The following CHD9 variants were observed in gnomAD, a reference collection of about 807,000 sequenced individuals.
CHD9 encodes the protein ATP-dependent chromatin remodeler CHD9.
A neutral mutation model predicts 316.1 loss-of-function variants in CHD9; 77 were observed. The ratio of observed to expected loss-of-function variants is 0.24; its 90% CI spans 0.20 to 0.29. CHD9 has a LOEUF of 0.29. Ranked by LOEUF, CHD9 falls within the 10% of genes least tolerant of loss-of-function variation. The probability of loss-of-function intolerance (pLI) is 1.00; values close to 1 mark genes in which losing one functional copy is unlikely to be tolerated. For synonymous variants in CHD9, 1,129 were observed against 1,158.3 expected, an observed-to-expected ratio of 0.97 and a Z score of 0.51; for missense variants, 2,763 against 3,438.1, an observed-to-expected ratio of 0.80 and a Z score of 4.91.
chr16:53,306,235 A>C lies in CHD9; in HGVS notation c.6620-2A>C, dbSNP rs553853252. 1.0e-5 allele frequency: 15 copies of C among 1,478,614 alleles called. No individual in the cohort carries two copies. In the Middle Eastern group the frequency reaches 7.3e-4, roughly 72 times the overall value. 91.6% of individuals were successfully genotyped at this position (1,478,614 alleles called of 1,614,324 possible). A position where few individuals can be genotyped will look rare whatever the true frequency, so the allele number is the denominator to read the frequency against. ...AAAAATGATTATAATTGTTTTTAGC[A>C]GAAAGTACTACTCACATGAAAGCCT... On this transcript the variant is annotated splice_acceptor_variant, in intron 31 of 38. Coordinates refer to ENST00000447540, the MANE Select transcript of CHD9 (RefSeq NM_001308319.2). LOFTEE classifies it high-confidence loss of function.
chr16:53,213,322 CTT>C (rs1243720630), intron 3 of CHD9, among the ~76,000 whole-genome samples: 2 of 152,024 alleles, frequency 1.3e-5, no homozygotes, highest in African/African-American at 4.8e-5. Flanking sequence ...GCCTGGAAAA[CTT>C]TTATCTGCTT....
chr16:53,190,206 A>G (rs973942510), intron 2 of CHD9, among the ~76,000 whole-genome samples: 1 of 152,150 alleles, frequency 6.6e-6, no homozygotes, highest in African/African-American at 2.4e-5. Context: ...TCCAGATGGT[A>G]GAGGTGGGTG....
chr16:53,056,705 T>A (rs1419476107), intron 1 of CHD9, among the ~76,000 whole-genome samples: 1 of 152,204 alleles, frequency 6.6e-6, no homozygotes, highest in African/African-American at 2.4e-5. Context: ...TTCCACTGAA[T>A]TGACTCATTC....
intron 24 of CHD9, among the ~76,000 whole-genome samples, chr16:53,282,431 C>T (rs1250049438): frequency 3.3e-5 from 5 of 152,052 alleles, no homozygotes; most frequent in Non-Finnish European, 7.4e-5. Flanking sequence ...CATGGCGAAA[C>T]CCTGTCTCTA....
chr16:53,082,937 G>A (rs2035156696), intron 1 of CHD9, among the ~76,000 whole-genome samples: 1 of 152,146 alleles, frequency 6.6e-6, no homozygotes, highest in Admixed American at 6.5e-5. Flanking sequence ...CTGAACTGTG[G>A]TTTCCCATCA....
intron 18 of CHD9, among the ~76,000 whole-genome samples, chr16:53,255,072 A>G (rs2050473089): frequency 6.6e-6 from 1 of 152,042 alleles, no homozygotes; most frequent in African/African-American, 2.4e-5. Context: ...GCACTTTGGG[A>G]CGCTGAGGTA....
intron 37 of CHD9, 119 bp downstream of exon 37, chr16:53,318,459 C>T: frequency 1.3e-6 from 1 of 765,752 alleles, no homozygotes; most frequent in Non-Finnish European, 2.0e-6. Context: ...TTGAATCTAT[C>T]AGATTTCTGA....
At chr16:53,055,409 C>G (rs982686676) in intron 1 of CHD9, among the ~76,000 whole-genome samples, 2 of 152,030 alleles carry the variant, frequency 1.3e-5, no homozygotes, top group Admixed American at 6.6e-5. Context: ...CTGATAAGGT[C>G]CAGAGCACCA....
intron 2 of CHD9, among the ~76,000 whole-genome samples, chr16:53,186,719 G>T (rs2044044114): frequency 6.6e-6 from 1 of 152,146 alleles, no homozygotes; most frequent in Non-Finnish European, 1.5e-5. Flanking sequence ...CATGGGGGTG[G>T]TTTTCCCCAT....
chr16:53,107,736 G>A (rs1325083070), intron 1 of CHD9, among the ~76,000 whole-genome samples: 1 of 151,994 alleles, frequency 6.6e-6, no homozygotes, highest in African/African-American at 2.4e-5. Context: ...ACCTGAGCAT[G>A]GGCATGACAA....
chr16:53,202,148 C>T (rs2045512439), intron 2 of CHD9, among the ~76,000 whole-genome samples: 1 of 152,148 alleles, frequency 6.6e-6, no homozygotes, highest in Non-Finnish European at 1.5e-5. Flanking sequence ...AGGCATGAGC[C>T]ACCATGCCTG....
At chr16:53,136,670 G>A (rs938596720) in intron 1 of CHD9, among the ~76,000 whole-genome samples, 1 of 151,972 alleles carries the variant, frequency 6.6e-6, no homozygotes. Context: ...CTAATATTAG[G>A]GAATGCTTTA....
rs546816791 is a variant in CHD9, at chr16:53,179,716, G to A, written c.1452+22175G>A. 1.6e-3 allele frequency among the ~76,000 whole-genome samples: 248 copies of A among 152,096 alleles called. 1 individual carries two copies. Among genetic ancestry groups the A allele is most frequent in the African/African-American group, 4.5e-3 (188 of 41,526 alleles). On this transcript the variant is annotated intron_variant, in intron 2 of 38. Transcript: ENST00000447540. ...ATTCAAGACCAGCCTGGCCAACATG[G>A]TGAAACCCCATCTCTACTAAAAATA...
intron 1 of CHD9, among the ~76,000 whole-genome samples, chr16:53,127,186 T>A (rs1391564025): frequency 6.6e-6 from 1 of 151,888 alleles, no homozygotes; most frequent in Admixed American, 6.6e-5. Flanking sequence ...GGTCTCAAGC[T>A]CCTGGGTTCA....
chr16:53,089,432 A>G (rs1289891221), intron 1 of CHD9, among the ~76,000 whole-genome samples: 1 of 152,214 alleles, frequency 6.6e-6, no homozygotes, highest in Non-Finnish European at 1.5e-5. Flanking sequence ...CTCATGGAGC[A>G]TTTTTTATTC....
At chr16:53,183,863 T>G (rs975831572) in intron 2 of CHD9, among the ~76,000 whole-genome samples, 8 of 152,228 alleles carry the variant, frequency 5.3e-5, no homozygotes, top group African/African-American at 1.7e-4. Context: ...TTTCCAAACT[T>G]TAGTGTCCTC....
rs5816890 is a variant in CHD9 at position 53,210,290 on chromosome 16, CAA to C, written c.1784+492_1784+493del. Among the ~76,000 whole-genome samples, 365 of 112,114 alleles carry C rather than the reference CAA, an allele frequency of 3.3e-3. 2 individuals carry two copies. The highest frequency in any genetic ancestry group is 0.014 in the South Asian group (51 of 3,532). 73.6% of individuals were successfully genotyped at this position (112,114 alleles called of 152,430 possible). ...CACAACTTTGGACTGAATGAAATGG[CAA>C]AAAAAAAAAAAAAACACTAATACCA... is the stretch of plus-strand genomic sequence containing the variant. On this transcript the variant is annotated intron_variant, in intron 3 of 38. Transcript: ENST00000447540.
rs1187240307 is a variant in CHD9 at position 53,156,118 on chromosome 16, A to G, written c.29A>G (p.Asp10Gly). Reference protein sequence around the residue: MTDPMMDFFDDANLFGETLE... With the variant: MTDPMMDFFGDANLFGETLE... The stretch of plus-strand genomic sequence containing the variant: ...ACAGATCCAATGATGGACTTTTTTG[A>G]TGATGCCAATCTTTTTGGTGAGACC... The change falls in exon 2 of 39, where the codon GAT becomes GGT. Residue 10 changes from aspartate (D) to glycine (G), a missense_variant. By Grantham distance (94) the Asp-to-Gly change is moderately conservative. Coordinates refer to ENST00000447540, the MANE Select transcript of CHD9 (RefSeq NM_001308319.2). 1 of 1,612,362 alleles carries G rather than the reference A, an allele frequency of 6.2e-7. No homozygotes were observed. The highest frequency in any genetic ancestry group is 8.5e-7 in the Non-Finnish European group (1 of 1,179,388).
At chr16:53,220,404 G>A (rs913846271) in intron 3 of CHD9, among the ~76,000 whole-genome samples, 1 of 152,014 alleles carries the variant, frequency 6.6e-6, no homozygotes, top group Non-Finnish European at 1.5e-5. Flanking sequence ...AAGTCCTGTT[G>A]GTTCTACTTC....
Sources: allele counts gnomAD v4.1 joint callset (sites outside exome capture counted in the v4.1 genomes callset), GRCh38; gene constraint gnomAD v4.1.1; transcripts MANE v1.5; gene names NCBI Gene and HGNC (gene_info 2026-07-23, HGNC 2026-07-21).